Variants in XKR9 observed in about 807,000 individuals in gnomAD.
XKR9 encodes the protein XK-related protein 9.
In XKR9, 32 loss-of-function variants were observed where a neutral mutation model predicts 32.0. That is an observed-to-expected ratio of 1.00 (90% CI 0.76 to 1.34). XKR9 has a LOEUF of 1.34. XKR9 is among the 40% of genes most tolerant of loss of function. The probability of loss-of-function intolerance (pLI) is 0.00; values close to 1 mark genes in which losing one functional copy is unlikely to be tolerated. For missense variants in XKR9, 546 were observed against 429.7 expected (o/e 1.27, Z -2.39); for synonymous variants, 168 against 143.4 (o/e 1.17, Z -1.22).
chr8:70,946,020 A>G, the XKR9 span, among the ~76,000 whole-genome samples: 1 of 152,298 alleles, frequency 6.6e-6, no homozygotes, highest in South Asian at 2.1e-4. Context: ...CTGTAGTCCC[A>G]GCTACTCGGG....
chr8:71,012,849 C>T, the XKR9 span, among the ~76,000 whole-genome samples: 3 of 152,172 alleles, frequency 2.0e-5, no homozygotes, highest in Admixed American at 1.3e-4. Flanking sequence ...TCCAAGTATA[C>T]ACTAACAGTA....
intron 2 of XKR9, among the ~76,000 whole-genome samples, chr8:70,741,331 T>C (rs999877868): frequency 6.6e-6 from 1 of 152,242 alleles, no homozygotes; most frequent in African/African-American, 2.4e-5. Flanking sequence ...CCCTCTGCCA[T>C]GTTATGATAG....
the XKR9 span, among the ~76,000 whole-genome samples, chr8:70,942,482 G>A: frequency 6.6e-6 from 1 of 152,120 alleles, no homozygotes; most frequent in Non-Finnish European, 1.5e-5. Flanking sequence ...AATAGTCCAA[G>A]GGGTTGGGTG....
At chr8:70,772,076 AC>A (rs1443340550) in intron 2 of XKR9, among the ~76,000 whole-genome samples, 1 of 152,216 alleles carries the variant, frequency 6.6e-6, no homozygotes, top group Non-Finnish European at 1.5e-5. Context: ...CCATCCAAGT[AC>A]CAGACTTGCA....
the XKR9 span, among the ~76,000 whole-genome samples, chr8:70,838,295 T>C: frequency 3.9e-5 from 6 of 152,020 alleles, no homozygotes; most frequent in Non-Finnish European, 8.8e-5. Flanking sequence ...ATTTTATAGA[T>C]GGTGAAAGTG....
At chr8:70,994,101 A>AT in the XKR9 span, among the ~76,000 whole-genome samples, 1 of 152,102 alleles carries the variant, frequency 6.6e-6, no homozygotes, top group Admixed American at 6.5e-5. Flanking sequence ...TGAGAAATAA[A>AT]TTTTTTTTAT....
the XKR9 span, among the ~76,000 whole-genome samples, chr8:70,816,686 C>T: frequency 2.0e-5 from 3 of 152,088 alleles, no homozygotes; most frequent in Admixed American, 2.0e-4. Context: ...GACTTCTCAA[C>T]AGAATCCTTG....
chr8:70,696,921 A>G (rs1490962256), intron 3 of XKR9, among the ~76,000 whole-genome samples: 7 of 149,490 alleles, frequency 4.7e-5, no homozygotes, highest in African/African-American at 1.7e-4. Flanking sequence ...TTGGATTCCT[A>G]AGTATTTTAT....
the XKR9 span, among the ~76,000 whole-genome samples, chr8:71,036,828 T>C: frequency 6.6e-6 from 1 of 152,052 alleles, no homozygotes; most frequent in African/African-American, 2.4e-5. Context: ...TTCACCCTTT[T>C]GCTGATTCAT....
the XKR9 span, among the ~76,000 whole-genome samples, chr8:71,001,355 G>A: frequency 1.3e-5 from 2 of 152,052 alleles, no homozygotes; most frequent in South Asian, 2.1e-4. Flanking sequence ...TCAACTCCCC[G>A]GGTTCAGGTG....
chr8:70,857,449 A>G, the XKR9 span, among the ~76,000 whole-genome samples: 2 of 152,320 alleles, frequency 1.3e-5, no homozygotes, highest in South Asian at 4.1e-4. Flanking sequence ...GAATAGACCA[A>G]TAGGAGGCTC....
At chr8:70,926,025 T>C in the XKR9 span, among the ~76,000 whole-genome samples, 2 of 152,208 alleles carry the variant, frequency 1.3e-5, no homozygotes, top group African/African-American at 2.4e-5. Context: ...AAGATGATAA[T>C]ACTTGTTATA....
the XKR9 span, among the ~76,000 whole-genome samples, chr8:70,972,376 G>T: frequency 6.6e-6 from 1 of 152,188 alleles, no homozygotes; most frequent in East Asian, 1.9e-4. Context: ...TGTGTCTTTA[G>T]GGTTTTCTAG....
At chr8:70,837,508 G>C in the XKR9 span, among the ~76,000 whole-genome samples, 1 of 152,084 alleles carries the variant, frequency 6.6e-6, no homozygotes, top group African/African-American at 2.4e-5. Context: ...CATTTTGGGA[G>C]CAGGATAAAG....
chr8:70,928,626 C>G, the XKR9 span, among the ~76,000 whole-genome samples: 1 of 152,020 alleles, frequency 6.6e-6, no homozygotes, highest in Non-Finnish European at 1.5e-5. Flanking sequence ...AGCCTGGGTG[C>G]TCTTCCCTAG....
At position 70,751,362 on chromosome 8, in the gene XKR9, C is replaced by T. The variant is rs766614047; in HGVS notation, n.353-37977C>T. ...CCAGGCTGTCTTGAACTCCTGACCT[C>T]AAGTGATCTACCTGACTCAGCCTCC... On this transcript the variant is annotated intron_variant and non_coding_transcript_variant, in intron 2 of 3. Coordinates refer to the XKR9 transcript ENST00000520273. 8.5e-5 allele frequency among the ~76,000 whole-genome samples: 13 copies of T among 152,100 alleles called. 1 individual carries two copies. Among genetic ancestry groups the T allele is most frequent in the Admixed American group, 8.5e-4 (13 of 15,276 alleles).
chr8:70,681,339 A>G lies in XKR9; in HGVS notation c.272+9A>G. On this transcript the variant is annotated intron_variant, in intron 3 of 4. Transcript: ENST00000408926. ...GGAGGAGTTTTTACAAGGTGAGCATACATGTTTAATCATTACCACTGTTTT... is the reference window on the plus strand; with the variant it reads ...GGAGGAGTTTTTACAAGGTGAGCATGCATGTTTAATCATTACCACTGTTTT... The G allele has an allele frequency of 1.2e-6, 2 of 1,606,622 alleles. No homozygotes were observed. Among genetic ancestry groups the G allele is most frequent in the Non-Finnish European group, 1.7e-6 (2 of 1,176,806 alleles).
chr8:70,827,098 C>T, the XKR9 span, among the ~76,000 whole-genome samples: 4 of 151,990 alleles, frequency 2.6e-5, no homozygotes, highest in African/African-American at 7.2e-5. Context: ...AACATGATAC[C>T]ATGAAGTCAC....
chr8:71,056,213 TAAC>T, the XKR9 span, among the ~76,000 whole-genome samples: 1 of 152,088 alleles, frequency 6.6e-6, no homozygotes, highest in African/African-American at 2.4e-5. Flanking sequence ...TTATAAATAT[TAAC>T]AATGAAGGTA....
Sources: allele counts gnomAD v4.1 joint callset (sites outside exome capture counted in the v4.1 genomes callset), GRCh38; gene constraint gnomAD v4.1.1; transcripts MANE v1.5; gene names NCBI Gene and HGNC (gene_info 2026-07-23, HGNC 2026-07-21).